The following NUP214 variants were observed in gnomAD, a reference collection of about 807,000 sequenced individuals.
The protein encoded by NUP214 is nucleoporin 214.
Under a neutral mutation model 196.2 loss-of-function variants are expected in NUP214, and 79 were observed. That is an observed-to-expected ratio of 0.40 (90% CI 0.34 to 0.49). NUP214 has a LOEUF of 0.49. NUP214 is among the 20% of genes least tolerant of loss of function. The pLI is 0.58. For synonymous variants in NUP214, 1,020 were observed against 990.5 expected, an observed-to-expected ratio of 1.03 and a Z score of -0.56; for missense variants, 2,468 against 2,539.0, an observed-to-expected ratio of 0.97 and a Z score of 0.60.
intron 4 of NUP214, among the ~76,000 whole-genome samples, chr9:131,130,132 G>GTTTTTTTTTTTTTTTT (rs1245763919): frequency 2.4e-4 from 11 of 46,548 alleles, no homozygotes; most frequent in Non-Finnish European, 3.4e-4. Context: ...ATGATTTCTG[G>GTTTTTTTTTTTTTTTT]TTTTGTTTTT....
At chr9:131,194,810 G>A (rs2131038686) in intron 27 of NUP214, among the ~76,000 whole-genome samples, 1 of 152,254 alleles carries the variant, frequency 6.6e-6, no homozygotes, top group Middle Eastern at 3.4e-3. Flanking sequence ...GTTCTGAGAG[G>A]CTCTCCCTAG....
In NUP214 at chr9:131,210,976, A is replaced by G. The variant is rs187606071; in HGVS notation, c.5593-4236A>G. On this transcript the variant is annotated intron_variant, in intron 30 of 35. Coordinates refer to ENST00000359428, the MANE Select transcript of NUP214 (RefSeq NM_005085.4). ...AAATTAATGACAACCTAAATAAATG[A>G]AAATACATCCCATATTCATGGATCA... is the stretch of plus-strand genomic sequence containing the variant. Among the ~76,000 whole-genome samples, 5 of 152,364 alleles carry G rather than the reference A, an allele frequency of 3.3e-5. No homozygotes were observed. In the East Asian group the frequency reaches 9.6e-4, roughly 29 times the overall value.
In NUP214 at chr9:131,139,270, T is replaced by TTTTTTTTTTTTTTTTTTTTC; in HGVS notation, c.1006-3_1006-2insTTTTTTTTTTTCTTTTTTTT. On this transcript the variant is annotated splice_polypyrimidine_tract_variant and intron_variant, in intron 9 of 35. Transcript: ENST00000359428. ...TCTTCTTCTTCTTTTTTTTTTTTTT[T>TTTTTTTTTTTTTTTTTTTTC]TTTTTTTTAGATTAATTGGGAATCT... The TTTTTTTTTTTTTTTTTTTTC allele has an allele frequency of 7.3e-7, 1 of 1,369,198 alleles. No homozygotes were observed. The highest frequency in any genetic ancestry group is 3.2e-5 in the Admixed American group (1 of 31,096). The allele number at this position is 1,369,198 out of a possible 1,614,324, so 84.8% of individuals were successfully genotyped here. A position where few individuals can be genotyped will look rare whatever the true frequency, so the allele number is the denominator to read the frequency against.
chr9:131,158,129 A>G (rs1187749373), intron 17 of NUP214, among the ~76,000 whole-genome samples: 2 of 152,138 alleles, frequency 1.3e-5, no homozygotes, highest in Non-Finnish European at 2.9e-5. Flanking sequence ...CCCAGGCCGG[A>G]GTGCAGTGGC....
chr9:131,167,815 G>T (rs1045821713), intron 21 of NUP214, among the ~76,000 whole-genome samples: 1 of 152,000 alleles, frequency 6.6e-6, no homozygotes, highest in Non-Finnish European at 1.5e-5. Context: ...GCCTTTGTTG[G>T]TTTTGTGAGT....
intron 24 of NUP214, 59 bp from the exon 25 acceptor site, chr9:131,187,230 G>C: frequency 6.9e-7 from 1 of 1,453,704 alleles, no homozygotes; most frequent in Non-Finnish European, 9.7e-7. Flanking sequence ...GCTTGAGAAT[G>C]AATGTGATTT....
At chr9:131,219,900 A>G (rs1325328010) in intron 31 of NUP214, among the ~76,000 whole-genome samples, 3 of 152,178 alleles carry the variant, frequency 2.0e-5, no homozygotes, top group Non-Finnish European at 4.4e-5. Context: ...ATTCTTGTTC[A>G]ATGACTTTAG....
At chr9:131,173,601 C>T (rs1026525039) in intron 21 of NUP214, among the ~76,000 whole-genome samples, 26 of 148,668 alleles carry the variant, frequency 1.7e-4, no homozygotes, top group Non-Finnish European at 3.0e-4. Context: ...TGGAAATGTT[C>T]GAGACACTCA....
At chr9:131,228,086 T>G in intron 32 of NUP214, 74 bp from the exon 33 acceptor site, 1 of 1,382,148 alleles carries the variant, frequency 7.2e-7, no homozygotes, top group Non-Finnish European at 9.6e-7. Flanking sequence ...GGTTTCTCAT[T>G]GCTCAATGTC....
rs569368497 is a variant in NUP214 at position 131,205,669 on chromosome 9, C to T, written c.5592+3952C>T. Among the ~76,000 whole-genome samples, 3 of 152,222 alleles carry T rather than the reference C, an allele frequency of 2.0e-5. No homozygotes were observed. The South Asian group carries it at 6.2e-4, about 32-fold the overall frequency. ...TACAGAGAAATAAAATGTACTGCTC[C>T]TATAGCTGGCCTAGGTTTGTTTTTT... is the stretch of plus-strand genomic sequence containing the variant. On this transcript the variant is annotated intron_variant, in intron 30 of 35. Transcript: ENST00000359428.
chr9:131,136,013 C>G lies in NUP214; in HGVS notation c.1005+7C>G, dbSNP rs1362619388. The G allele has an allele frequency of 2.5e-6, 4 of 1,607,736 alleles. No individual in the cohort carries two copies. The highest frequency in any genetic ancestry group is 1.7e-4 in the Middle Eastern group (1 of 6,054). ...TGCTCGACAAAGTGATCAGGTAAAT[C>G]TCTTTTTTGTCACTTCTGTGGTGCT... On this transcript the variant is annotated splice_region_variant and intron_variant, in intron 9 of 35. Transcript: ENST00000359428.
At chr9:131,133,304 G>GTTTTTTTTTT (rs751108620) in intron 7 of NUP214, 95 bp downstream of exon 7, 3 of 421,964 alleles carry the variant, frequency 7.1e-6, no homozygotes, top group Non-Finnish European at 1.2e-5. Context: ...TTGTGTTTGT[G>GTTTTTTTTTT]TTTTTTTTTT....
At chr9:131,222,447 T>TG (rs1834588535) in intron 31 of NUP214, 1 of 205,352 alleles carries the variant, frequency 4.9e-6, no homozygotes, top group South Asian at 1.6e-4. Context: ...CCTCCATTGC[T>TG]GGGCAGTCTT....
chr9:131,135,097 T>G, intron 8 of NUP214, 93 bp downstream of exon 8: 1 of 890,844 alleles, frequency 1.1e-6, no homozygotes, highest in Non-Finnish European at 1.8e-6. Context: ...TCTGATTGAT[T>G]GATTGATGGA....
chr9:131,220,376 A>C (rs532030727), intron 31 of NUP214, among the ~76,000 whole-genome samples: 23 of 152,342 alleles, frequency 1.5e-4, no homozygotes, highest in African/African-American at 5.3e-4. Context: ...GTTTTATGCT[A>C]CTTTGTTTCA....
Position 131,164,130 on chromosome 9 carries a change from G to C in NUP214, c.2879G>C (p.Arg960Thr), listed in dbSNP as rs751346989. 1 of 1,614,124 alleles carries C rather than the reference G, an allele frequency of 6.2e-7. No homozygotes were observed. Residue 960 changes from arginine to threonine, a missense_variant, in exon 21 of 36, where the codon AGA becomes ACA. By Grantham distance (71) the Arg-to-Thr change is moderately conservative. Transcript: ENST00000359428. ...FLAKRKTPPV[R>T]STAPASLSRS... ...GCCAAGAGGAAGACCCCACCAGTGAGATCCACTGCTCCAGGTAAAGAGAAC... is the reference window on the plus strand; with the variant it reads ...GCCAAGAGGAAGACCCCACCAGTGACATCCACTGCTCCAGGTAAAGAGAAC...
chr9:131,184,895 C>A (rs967358119), intron 24 of NUP214, among the ~76,000 whole-genome samples: 1 of 152,220 alleles, frequency 6.6e-6, no homozygotes, highest in African/African-American at 2.4e-5. Context: ...TATCTTCTAT[C>A]ATTTTCATTC....
rs763655138 is a variant in NUP214 at position 131,144,480 on chromosome 9, C to T, written c.1495C>T (p.Pro499Ser). ...LKSSATVTGE[P>S]PSYSSGSDSS... Reference sequence around the variant, plus strand: ...GTCATCTGCTACGGTCACTGGGGAGCCCCCTTCATATTCCAGTGGCTCCGA... The same window carrying T: ...GTCATCTGCTACGGTCACTGGGGAGTCCCCTTCATATTCCAGTGGCTCCGA... Residue 499 changes from proline to serine, a missense_variant, in exon 12 of 36, where the codon CCC becomes TCC. Physicochemically the swap from Pro to Ser is moderately conservative, Grantham distance 74. Coordinates refer to ENST00000359428, the MANE Select transcript of NUP214 (RefSeq NM_005085.4). 23 of 1,614,004 alleles carry T rather than the reference C, an allele frequency of 1.4e-5. No homozygotes were observed. In the Admixed American group the frequency reaches 2.7e-4, roughly 19 times the overall value.
rs1564185904 is a variant in NUP214, at chr9:131,150,322, A to T, written c.2041-2A>T. On this transcript the variant is annotated splice_acceptor_variant, in intron 14 of 35. Coordinates refer to ENST00000359428, the MANE Select transcript of NUP214 (RefSeq NM_005085.4). LOFTEE classifies it high-confidence loss of function. Reference sequence around the variant, plus strand: ...TTTTTAAACCTTTTCCTTCCATTTCAGGCAAAGTCACTTCAGCCTGCTGTT... The same window carrying T: ...TTTTTAAACCTTTTCCTTCCATTTCTGGCAAAGTCACTTCAGCCTGCTGTT... 1 of 1,613,968 alleles carries T rather than the reference A, an allele frequency of 6.2e-7. No individual in the cohort carries two copies. The highest frequency in any genetic ancestry group is 2.2e-5 in the East Asian group (1 of 44,862).
Sources: allele counts gnomAD v4.1 joint callset (sites outside exome capture counted in the v4.1 genomes callset), GRCh38; gene constraint gnomAD v4.1.1; transcripts MANE v1.5; gene names NCBI Gene and HGNC (gene_info 2026-07-23, HGNC 2026-07-21).